The following SLC43A1 variants were observed in gnomAD, a reference collection of about 807,000 sequenced individuals.
The protein encoded by SLC43A1 is solute carrier family 43 member 1.
A neutral mutation model predicts 59.5 loss-of-function variants in SLC43A1; 31 were observed. The observed-to-expected ratio is 0.52, with a 90% CI of 0.39 to 0.70. The LOEUF (loss-of-function observed/expected upper bound fraction) is 0.70. SLC43A1 is among the 30% of genes least tolerant of loss of function. The pLI is 0.00. For missense variants in SLC43A1, 598 were observed against 717.8 expected (o/e 0.83, Z 1.91); for synonymous variants, 259 against 290.9 (o/e 0.89, Z 1.12).
chr11:57,502,105 T>G (rs1944283125), intron 2 of SLC43A1, among the ~76,000 whole-genome samples: 1 of 152,188 alleles, frequency 6.6e-6, no homozygotes, highest in Admixed American at 6.5e-5. Context: ...AACTGCCAAC[T>G]TGGAGTTGTG....
intron 7 of SLC43A1, 143 bp from the exon 8 acceptor site, chr11:57,494,314 T>C: frequency 1.4e-6 from 1 of 704,912 alleles, no homozygotes; most frequent in South Asian, 2.0e-5. Context: ...ATGCAGAGCT[T>C]CTGTTTCTGT....
intron 13 of SLC43A1, among the ~76,000 whole-genome samples, chr11:57,487,491 G>A (rs545906217): frequency 2.0e-5 from 3 of 152,228 alleles, no homozygotes; most frequent in African/African-American, 7.2e-5. Flanking sequence ...TAACAGGGAT[G>A]GCATTGACCT....
chr11:57,492,536 GTATATATATA>G (rs71061509), intron 8 of SLC43A1, among the ~76,000 whole-genome samples: 1,354 of 79,822 alleles, frequency 0.017, 34 homozygotes, highest in African/African-American at 0.063. Context: ...ATAATTTTGT[GTATATATATA>G]TATATATATA....
intron 7 of SLC43A1, among the ~76,000 whole-genome samples, chr11:57,494,938 T>TA (rs1944035718): frequency 1.3e-5 from 2 of 151,124 alleles, no homozygotes; most frequent in African/African-American, 4.9e-5. Flanking sequence ...AACCTCAGCC[T>TA]CTAGGGTTCA....
chr11:57,490,112 G>C (rs1306419500), intron 11 of SLC43A1, among the ~76,000 whole-genome samples: 2 of 152,154 alleles, frequency 1.3e-5, no homozygotes, highest in African/African-American at 4.8e-5. Flanking sequence ...ATCCTCTTAG[G>C]ATAAACAGGG....
At chr11:57,513,907 G>T in intron 2 of SLC43A1, 51 bp downstream of exon 2, 2 of 1,436,126 alleles carry the variant, frequency 1.4e-6, no homozygotes, top group Non-Finnish European at 1.9e-6. Flanking sequence ...GCTTCCACCT[G>T]CCCCTTTGCC....
At position 57,514,342 on chromosome 11, in the gene SLC43A1, T is replaced by C; in HGVS notation, c.-13-218A>G. On this transcript the variant is annotated intron_variant, in intron 1 of 14. Coordinates refer to ENST00000278426, the MANE Select transcript of SLC43A1 (RefSeq NM_003627.6). The surrounding 1 kb of genome is among the most constrained non-coding windows in gnomAD (Gnocchi z 5.5). ...CGGCACGGGGCTCCCGCTGAGCCACTATCGGAAACAAGGAAGGTCCTGTCT... is the reference window on the plus strand; with the variant it reads ...CGGCACGGGGCTCCCGCTGAGCCACCATCGGAAACAAGGAAGGTCCTGTCT... The C allele has an allele frequency of 1.8e-6, 1 of 555,836 alleles. No individual in the cohort carries two copies. The highest frequency in any genetic ancestry group is 2.3e-5 in the South Asian group (1 of 43,618). 34.4% of individuals were successfully genotyped at this position (555,836 alleles called of 1,614,324 possible). A position where few individuals can be genotyped will look rare whatever the true frequency, so the allele number is the denominator to read the frequency against.
chr11:57,495,123 T>C (rs2509899), intron 7 of SLC43A1, among the ~76,000 whole-genome samples: 117,968 of 151,756 alleles, frequency 0.78, 46,008 homozygotes, highest in East Asian at 0.9. Context: ...GCTGGGATTA[T>C]AGGCATGACC....
At chr11:57,507,094 G>A (rs1944411004) in intron 2 of SLC43A1, among the ~76,000 whole-genome samples, 1 of 152,192 alleles carries the variant, frequency 6.6e-6, no homozygotes, top group African/African-American at 2.4e-5. Flanking sequence ...TTGGGAGGCT[G>A]AGGTGGGAAG....
intron 11 of SLC43A1, among the ~76,000 whole-genome samples, chr11:57,490,516 C>G (rs1305136147): frequency 6.6e-6 from 1 of 152,132 alleles, no homozygotes; most frequent in Non-Finnish European, 1.5e-5. Flanking sequence ...TGTCGCTTAG[C>G]CCTCTTGCTC....
chr11:57,499,355 A>G (rs1944187631), intron 5 of SLC43A1, among the ~76,000 whole-genome samples: 1 of 150,886 alleles, frequency 6.6e-6, no homozygotes, highest in East Asian at 1.9e-4. Flanking sequence ...GTTTAAACAC[A>G]TATAACTAAA....
rs767034024 is a variant in SLC43A1, at chr11:57,497,885, T to C, written c.466-40A>G. On this transcript the variant is annotated intron_variant, in intron 5 of 14. Transcript: ENST00000278426. ...CAGCACCCATGAGGTGGGGACACCG[T>C]GACCCTTGCCCAGCATTCCCAGCCC... 9 of 1,521,304 alleles carry C rather than the reference T, an allele frequency of 5.9e-6. No homozygotes were observed. In the Admixed American group the frequency reaches 1.2e-4, roughly 20 times the overall value. The allele number at this position is 1,521,304 out of a possible 1,614,324, so 94.2% of individuals were successfully genotyped here. A position where few individuals can be genotyped will look rare whatever the true frequency, so the allele number is the denominator to read the frequency against.
chr11:57,504,904 TC>T (rs1163806829), intron 2 of SLC43A1, among the ~76,000 whole-genome samples: 1 of 152,332 alleles, frequency 6.6e-6, no homozygotes, highest in East Asian at 1.9e-4. Flanking sequence ...GCTTGATCAC[TC>T]TGAGTAGTTG....
intron 14 of SLC43A1, among the ~76,000 whole-genome samples, chr11:57,485,670 C>G (rs1433330575): frequency 6.6e-6 from 1 of 152,212 alleles, no homozygotes; most frequent in Non-Finnish European, 1.5e-5. Flanking sequence ...GGATGCACAG[C>G]CTGGTGGACA....
chr11:57,515,090 GAGGA>G lies in SLC43A1; in HGVS notation c.-14+350_-14+353del. 4.1e-6 allele frequency: 4 copies of G among 985,166 alleles called. No homozygotes were observed. In the African/African-American group the frequency reaches 7.0e-5, roughly 17 times the overall value. The allele number at this position is 985,166 out of a possible 1,614,324, so 61.0% of individuals were successfully genotyped here. ...GGGCAAGAAAGACCCAGAGAGAGGG[GAGGA>G]AGTACCAGTCACTTCTTCCAGGGGG... On this transcript the variant is annotated intron_variant, in intron 1 of 14. Coordinates refer to ENST00000278426, the MANE Select transcript of SLC43A1 (RefSeq NM_003627.6). The surrounding 1 kb of genome is among the most constrained non-coding windows in gnomAD (Gnocchi z 5.3).
Position 57,500,832 on chromosome 11 carries a change from C to T in SLC43A1, c.412G>A (p.Ala138Thr). 1.2e-6 allele frequency: 2 copies of T among 1,614,210 alleles called. No individual in the cohort carries two copies. ...VEALSPLIFL[A>T]LSLNGFGGIC... The stretch of plus-strand genomic sequence containing the variant: ...CCACCAAAGCCATTCAGGGACAGCG[C>T]CAGGAATATCAACGGAGACAGAGCT... The change falls in exon 5 of 15, where the codon GCG becomes ACG. Residue 138 changes from alanine (A) to threonine (T), a missense_variant. By Grantham distance (58) the Ala-to-Thr change is moderately conservative. Transcript: ENST00000278426.
Position 57,514,275 on chromosome 11 carries a change from A to G in SLC43A1, c.-13-151T>C. ...GCCCTGGGCTTCCCAGCCGGTGCCA[A>G]GGAGCTGGCTCCGCGCGCACTAGCA... On this transcript the variant is annotated intron_variant, in intron 1 of 14. Coordinates refer to ENST00000278426, the MANE Select transcript of SLC43A1 (RefSeq NM_003627.6). The surrounding 1 kb of genome is among the most constrained non-coding windows in gnomAD (Gnocchi z 5.5). 1 of 906,808 alleles carries G rather than the reference A, an allele frequency of 1.1e-6. No individual in the cohort carries two copies. Among genetic ancestry groups the G allele is most frequent in the Non-Finnish European group, 1.6e-6 (1 of 619,320 alleles). The allele number at this position is 906,808 out of a possible 1,614,324, so 56.2% of individuals were successfully genotyped here. A position where few individuals can be genotyped will look rare whatever the true frequency, so the allele number is the denominator to read the frequency against.
chr11:57,489,361 G>A lies in SLC43A1; in HGVS notation c.1225C>T (p.Arg409Cys), dbSNP rs765376956. The change falls in exon 12 of 15, where the codon CGC becomes TGC. Residue 409 changes from arginine (R) to cysteine (C), a missense_variant. Coordinates refer to ENST00000278426, the MANE Select transcript of SLC43A1 (RefSeq NM_003627.6). ...DGVATKSIRP[R>C]YCKIQKLTNA... ...GTGAGCTTTTGGATCTTGCAGTAGC[G>A]TGGTCTGATGGATTTGGTAGCAACC... The A allele has an allele frequency of 1.0e-4, 167 of 1,614,084 alleles. 2 individuals carry two copies. Among genetic ancestry groups the A allele is most frequent in the South Asian group, 1.6e-4 (15 of 91,086 alleles).
chr11:57,498,313 C>T (rs770507364), intron 5 of SLC43A1, among the ~76,000 whole-genome samples: 1 of 152,002 alleles, frequency 6.6e-6, no homozygotes, highest in Non-Finnish European at 1.5e-5. Flanking sequence ...TGGTGGCATG[C>T]GCCTGTAATC....
Sources: allele counts gnomAD v4.1 joint callset (sites outside exome capture counted in the v4.1 genomes callset), GRCh38; gene constraint gnomAD v4.1.1; non-coding constraint Gnocchi (gnomAD v3.1); transcripts MANE v1.5; gene names NCBI Gene and HGNC (gene_info 2026-07-23, HGNC 2026-07-21).